The following TMEM238L variants were observed in gnomAD, a reference collection of about 807,000 sequenced individuals.
TMEM238L encodes the protein transmembrane protein 238-like.
chr17:10,796,477 A>G (rs539927335), intron 1 of TMEM238L, among the ~76,000 whole-genome samples: 1 of 152,310 alleles, frequency 6.6e-6, no homozygotes, highest in South Asian at 2.1e-4. Flanking sequence ...CCAGCAGGTG[A>G]CTGCCCTACC....
At chr17:10,799,898 C>T (rs1904679951) in intron 1 of TMEM238L, among the ~76,000 whole-genome samples, 1 of 151,656 alleles carries the variant, frequency 6.6e-6, no homozygotes, top group East Asian at 1.9e-4. Context: ...GGGACATTGG[C>T]AGAACACAGT....
chr17:10,802,721 G>T (rs555596389), intron 1 of TMEM238L, among the ~76,000 whole-genome samples: 1 of 152,320 alleles, frequency 6.6e-6, no homozygotes, highest in South Asian at 2.1e-4. Flanking sequence ...GGGGAGGAGG[G>T]TATGGCTGCC....
chr17:10,798,860 A>T (rs759705067), intron 1 of TMEM238L, among the ~76,000 whole-genome samples: 8 of 152,074 alleles, frequency 5.3e-5, no homozygotes, highest in Non-Finnish European at 7.4e-5. Context: ...TCTTCATCTG[A>T]CTTTGCTTGG....
chr17:10,800,887 C>CT (rs1904718382), intron 1 of TMEM238L, among the ~76,000 whole-genome samples: 2 of 152,230 alleles, frequency 1.3e-5, no homozygotes, highest in East Asian at 1.9e-4. Flanking sequence ...ACTGGGGACT[C>CT]TGTGTTGTTT....
At chr17:10,797,842 C>A (rs79964183) in intron 1 of TMEM238L, 1 of 152,204 alleles carries the variant, frequency 6.6e-6, no homozygotes. Flanking sequence ...CTTGCTGTCT[C>A]TCTGCTGCTT....
At chr17:10,801,059 T>TA (rs1904727614) in intron 1 of TMEM238L, among the ~76,000 whole-genome samples, 1 of 151,912 alleles carries the variant, frequency 6.6e-6, no homozygotes, top group African/African-American at 2.4e-5. Flanking sequence ...TACTGTTTTT[T>TA]TTTTTTTTTG....
At chr17:10,798,070 C>T (rs1252138025) in intron 1 of TMEM238L, 3 of 152,148 alleles carry the variant, frequency 2.0e-5, no homozygotes, top group Admixed American at 2.0e-4. Context: ...CTAATTCTTT[C>T]ATTTCTGCAG....
exon 2 of TMEM238L, chr17:10,794,916 C>T (rs1340585389): frequency 6.6e-6 from 1 of 152,186 alleles, no homozygotes; most frequent in Non-Finnish European, 1.5e-5. Context: ...TGTCCTGTTA[C>T]ATAAAAACAA....
At chr17:10,798,811 G>A (rs549900852) in intron 1 of TMEM238L, among the ~76,000 whole-genome samples, 1 of 152,086 alleles carries the variant, frequency 6.6e-6, no homozygotes. Flanking sequence ...TATTGTTTGG[G>A]TGTGTAGTCT....
rs1042481431 is a variant in TMEM238L at position 10,796,661 on chromosome 17, C to G, written c.*119-713G>C. Reference sequence around the variant, plus strand: ...TTAGGCTTCAGCCTTTTTTTGATGGCTTTGAAGTGTTTGATGGTCAATTCC... The same window carrying G: ...TTAGGCTTCAGCCTTTTTTTGATGGGTTTGAAGTGTTTGATGGTCAATTCC... On this transcript the variant is annotated intron_variant, in intron 1 of 1. Transcript: ENST00000581851. Among the ~76,000 whole-genome samples the G allele has an allele frequency of 2.0e-5, 3 of 152,274 alleles. No individual in the cohort carries two copies. The East Asian group carries it at 5.8e-4, about 29-fold the overall frequency.
rs73283488 is a variant in TMEM238L, at chr17:10,802,384, C to A, written c.*118+1222G>T. On this transcript the variant is annotated intron_variant, in intron 1 of 1. Coordinates refer to ENST00000581851, the Ensembl canonical transcript of TMEM238L. ...TGCAGCAATAAGGGCCAGAAATATTCTCTTCATCTTACAGATGAGAATCCT... is the reference window on the plus strand; with the variant it reads ...TGCAGCAATAAGGGCCAGAAATATTATCTTCATCTTACAGATGAGAATCCT... The A allele has an allele frequency of 3.3e-3, 497 of 152,288 alleles. 2 individuals are homozygous for A. The highest frequency in any genetic ancestry group is 0.01 in the African/African-American group (427 of 41,552). 9.4% of individuals were successfully genotyped at this position (152,288 alleles called of 1,614,324 possible).
At chr17:10,803,485 G>A (rs989390911) in intron 1 of TMEM238L, 121 bp downstream of exon 1, 19 of 348,864 alleles carry the variant, frequency 5.4e-5, no homozygotes, top group Non-Finnish European at 7.2e-5. Flanking sequence ...AGGGCCACAG[G>A]ATCCCCAGTC....
chr17:10,801,662 C>A (rs961098327), intron 1 of TMEM238L, among the ~76,000 whole-genome samples: 2 of 152,174 alleles, frequency 1.3e-5, no homozygotes, highest in African/African-American at 4.8e-5. Context: ...GGATGCTCCT[C>A]TCCTTCCTAG....
intron 1 of TMEM238L, among the ~76,000 whole-genome samples, chr17:10,802,144 G>A (rs1322169933): frequency 6.6e-6 from 1 of 152,114 alleles, no homozygotes; most frequent in Non-Finnish European, 1.5e-5. Context: ...CAACATACCA[G>A]CACACAAATC....
At position 10,798,130 on chromosome 17, in the gene TMEM238L, C is replaced by G. The variant is rs182720125; in HGVS notation, c.*119-2182G>C. On this transcript the variant is annotated intron_variant, in intron 1 of 1. Transcript: ENST00000581851. ...CCTACCCACCACCCACGGCTGCTGT[C>G]CCTGTGCCATCTCTACTTGTCACAT... Among the ~76,000 whole-genome samples the G allele has an allele frequency of 4.6e-5, 7 of 152,072 alleles. No homozygotes were observed. In the East Asian group the frequency reaches 1.4e-3, roughly 30 times the overall value.
At chr17:10,796,878 A>G (rs1402429178) in intron 1 of TMEM238L, among the ~76,000 whole-genome samples, 1 of 152,170 alleles carries the variant, frequency 6.6e-6, no homozygotes, top group Non-Finnish European at 1.5e-5. Flanking sequence ...GGGGCTGGCA[A>G]ATGTTTTCTG....
At chr17:10,799,701 G>A (rs1159511282) in intron 1 of TMEM238L, among the ~76,000 whole-genome samples, 2 of 152,184 alleles carry the variant, frequency 1.3e-5, no homozygotes, top group African/African-American at 2.4e-5. Flanking sequence ...GAAGTGAGAC[G>A]AGCTGCTTTT....
At chr17:10,795,038 A>G (rs1775705131) in exon 2 of TMEM238L, 1 of 152,276 alleles carries the variant, frequency 6.6e-6, no homozygotes, top group African/African-American at 2.4e-5. Flanking sequence ...AAAGTACAAA[A>G]TGAGACCAGG....
chr17:10,802,550 T>C (rs1567610312), intron 1 of TMEM238L: 1 of 152,762 alleles, frequency 6.5e-6, no homozygotes, highest in East Asian at 1.9e-4. Context: ...TTCATTTTGC[T>C]TCTCTTTTCT....
Sources: gnomAD v4.1 joint callset for allele counts (sites outside exome capture counted in the v4.1 genomes callset) on GRCh38, gnomAD v4.1.1 for gene constraint, MANE v1.5 for transcripts, NCBI Gene and HGNC (gene_info 2026-07-23, HGNC 2026-07-21) for gene names.